RFC2: variants seen among roughly 807,000 people sequenced by gnomAD.
The protein encoded by RFC2 is replication factor C subunit 2, also known as A1 40 kDa subunit.
In RFC2, 34 loss-of-function variants were observed where a neutral mutation model predicts 44.8. That is an observed-to-expected ratio of 0.76 (90% confidence interval 0.58 to 1.01). The LOEUF is 1.01. Among genes scored for constraint, RFC2 ranks in the 50% least tolerant of loss-of-function variants. RFC2 has a pLI of 0.00. For missense variants in RFC2, 400 were observed against 453.6 expected (o/e 0.88, Z 1.07); for synonymous variants, 177 against 168.9 (o/e 1.05, Z -0.37).
intron 3 of RFC2, 93 bp from the exon 4 acceptor site, chr7:74,249,211 C>T (rs782617140): frequency 2.5e-6 from 4 of 1,586,030 alleles, no homozygotes; most frequent in East Asian, 2.3e-5. Flanking sequence ...ATCTCCGTCA[C>T]CTCTGACCCC....
At chr7:74,245,975 T>C (rs1803579992) in intron 5 of RFC2, among the ~76,000 whole-genome samples, 2 of 151,150 alleles carry the variant, frequency 1.3e-5, no homozygotes, top group African/African-American at 4.9e-5. Context: ...GGCGGGCGGA[T>C]CACGAGGTCA....
chr7:74,238,817 G>A lies in RFC2; in HGVS notation c.759+106C>T. ...GGTGGGCTCCCTGGCACCCACAAGA[G>A]CAGCTAGATGTCCGTCCCCACTGCC... On this transcript the variant is annotated intron_variant, in intron 8 of 10. Coordinates refer to ENST00000055077, the MANE Select transcript of RFC2 (RefSeq NM_181471.3). This position sits in a 1 kb window ranked among gnomAD's most constrained non-coding sequence, Gnocchi z 4.0. The A allele has an allele frequency of 1.2e-6, 1 of 845,010 alleles. No individual in the cohort carries two copies. The highest frequency in any genetic ancestry group is 2.0e-6 in the Non-Finnish European group (1 of 503,306). The allele number at this position is 845,010 out of a possible 1,614,324, so 52.3% of individuals were successfully genotyped here.
rs782066892 is a variant in RFC2 at position 74,243,185 on chromosome 7, GA to G, written c.495del (p.Arg166AlafsTer28). 7.4e-6 allele frequency: 12 copies of G among 1,613,750 alleles called. No individual in the cohort carries two copies. In the South Asian group the frequency reaches 9.9e-5, roughly 13 times the overall value. On this transcript the variant is annotated frameshift_variant, in exon 6 of 11. Transcript: ENST00000055077. LOFTEE classifies it high-confidence loss of function. ...RRTMEIYSKT[T>X]RFALACNASD... ...GAAGCATTACAAGCAAGGGCGAAGCGAGTGGTTTTAGAGTAGATTTCCATGG... is the reference window on the plus strand; with the variant it reads ...GAAGCATTACAAGCAAGGGCGAAGCGGTGGTTTTAGAGTAGATTTCCATGG...
Position 74,243,178 on chromosome 7 carries a change from G to C in RFC2, c.503C>G (p.Ala168Gly), listed in dbSNP as rs1803431617. The C allele has an allele frequency of 6.2e-7, 1 of 1,613,794 alleles. No homozygotes were observed. Residue 168 changes from alanine to glycine, a missense_variant, in exon 6 of 11, where the codon GCC becomes GGC. Physicochemically the swap from Ala to Gly is moderately conservative, Grantham distance 60. Transcript: ENST00000055077. The part of the protein sequence containing the change: ...MEIYSKTTRF[A>G]LACNASDKII... ...CTTATCCGAAGCATTACAAGCAAGG[G>C]CGAAGCGAGTGGTTTTAGAGTAGAT...
intron 10 of RFC2, among the ~76,000 whole-genome samples, chr7:74,232,539 C>T (rs1008841359): frequency 6.6e-5 from 10 of 152,122 alleles, no homozygotes; most frequent in Non-Finnish European, 1.0e-4. Flanking sequence ...TGATAAAGAA[C>T]TTGCATCCAG....
intron 1 of RFC2, among the ~76,000 whole-genome samples, chr7:74,253,926 A>G (rs528228196): frequency 6.6e-6 from 1 of 152,270 alleles, no homozygotes; most frequent in African/African-American, 2.4e-5. Flanking sequence ...CATGTAATCG[A>G]TATTTTTTTT....
chr7:74,249,603 A>G, intron 3 of RFC2, 136 bp downstream of exon 3: 2 of 722,160 alleles, frequency 2.8e-6, no homozygotes, highest in Non-Finnish European at 5.0e-6. Flanking sequence ...CCTCCCAACT[A>G]GAGTGAAACA....
rs781916581 is a variant in RFC2 at position 74,246,657 on chromosome 7, T to C, written c.434+5A>G. On this transcript the variant is annotated splice_donor_5th_base_variant and intron_variant, in intron 5 of 10. Coordinates refer to ENST00000055077, the MANE Select transcript of RFC2 (RefSeq NM_181471.3). ...GGTCAAAATACATTTGGCAAAGCAC[T>C]CTACCTGTCTGCTTCATCCAGAATG... 8 of 1,583,058 alleles carry C rather than the reference T, an allele frequency of 5.1e-6. 1 individual carries two copies. In the Middle Eastern group the frequency reaches 1.3e-3, roughly 264 times the overall value.
chr7:74,240,175 A>T, intron 6 of RFC2, 80 bp from the exon 7 acceptor site: 1 of 1,351,382 alleles, frequency 7.4e-7, no homozygotes. Context: ...ATAAGGCTGC[A>T]GCTGCACAAT....
At chr7:74,240,502 CAAAA>C (rs1216974808) in intron 6 of RFC2, among the ~76,000 whole-genome samples, 3 of 73,366 alleles carry the variant, frequency 4.1e-5, no homozygotes, top group Non-Finnish European at 6.2e-5. Flanking sequence ...GCTGTGTCTC[CAAAA>C]AAAAAAAAAA....
intron 9 of RFC2, 109 bp from the exon 10 acceptor site, chr7:74,235,754 G>T (rs992065226): frequency 4.1e-6 from 3 of 723,892 alleles, no homozygotes; most frequent in South Asian, 2.9e-5. Context: ...TCACATGGGG[G>T]TACCTTAACT....
chr7:74,250,687 G>A (rs145611076), intron 2 of RFC2, among the ~76,000 whole-genome samples: 8 of 152,016 alleles, frequency 5.3e-5, no homozygotes, highest in Non-Finnish European at 1.0e-4. Context: ...CCATTATCTC[G>A]TCTGATTGCT....
intron 5 of RFC2, among the ~76,000 whole-genome samples, chr7:74,244,094 T>TAAAAA: frequency 3.1e-5 from 1 of 31,946 alleles, no homozygotes; most frequent in Non-Finnish European, 6.3e-5. Context: ...CTACTAAAAA[T>TAAAAA]ACAAAAAAAA....
intron 9 of RFC2, among the ~76,000 whole-genome samples, chr7:74,235,948 T>C (rs1802992844): frequency 6.6e-6 from 1 of 152,224 alleles, no homozygotes; most frequent in Non-Finnish European, 1.5e-5. Context: ...CATGAGCCAC[T>C]GAGCCCAGCC....
rs782743335 is a variant in RFC2, at chr7:74,237,431, C to A, written c.771G>T (p.Glu257Asp). 6.9e-6 allele frequency: 11 copies of A among 1,591,688 alleles called. No homozygotes were observed. The highest frequency in any genetic ancestry group is 1.1e-5 in the South Asian group (1 of 87,762). ...TCTCCTTTACCAGCAGTGGGTGGGG[C>A]TCGTCACAGACCTGGCCAAAGGGAA... ...NSENVFKVCDEPHPLLVKEMI... is the reference protein window; with the variant it reads ...NSENVFKVCDDPHPLLVKEMI... Residue 257 changes from glutamate (E) to aspartate (D), a missense_variant, in exon 9 of 11, where the codon GAG (glutamate) becomes GAT (aspartate). By Grantham distance (45) the Glu-to-Asp change is conservative. Coordinates refer to ENST00000055077, the MANE Select transcript of RFC2 (RefSeq NM_181471.3).
rs1278495322 is a variant in RFC2 at position 74,238,712 on chromosome 7, C to T, written c.759+211G>A. On this transcript the variant is annotated intron_variant, in intron 8 of 10. Coordinates refer to ENST00000055077, the MANE Select transcript of RFC2 (RefSeq NM_181471.3). This position sits in a 1 kb window ranked among gnomAD's most constrained non-coding sequence, Gnocchi z 4.0. ...CCGTGGTCCTCCCTCACCTACCACA[C>T]ACAAGTGACGTTCCAGGTCCCCCGA... 6.6e-6 allele frequency among the ~76,000 whole-genome samples: 1 copy of T among 152,196 alleles called. No individual in the cohort carries two copies. Among genetic ancestry groups the T allele is most frequent in the Non-Finnish European group, 1.5e-5 (1 of 68,042 alleles).
At chr7:74,243,484 A>G (rs1380520161) in intron 5 of RFC2, among the ~76,000 whole-genome samples, 1 of 151,830 alleles carries the variant, frequency 6.6e-6, no homozygotes, top group Non-Finnish European at 1.5e-5. Flanking sequence ...CACGAAAACC[A>G]CGATCTACAA....
At chr7:74,244,519 C>T (rs928861682) in intron 5 of RFC2, among the ~76,000 whole-genome samples, 1 of 151,344 alleles carries the variant, frequency 6.6e-6, no homozygotes, top group Non-Finnish European at 1.5e-5. Flanking sequence ...CCAGCCTGGG[C>T]GCCACCATGT....
At chr7:74,239,851 G>C in intron 7 of RFC2, 87 bp downstream of exon 7, 1 of 1,260,152 alleles carries the variant, frequency 7.9e-7, no homozygotes, top group Non-Finnish European at 1.1e-6. Context: ...GTTGTACCTT[G>C]TGCAGCTGTC....
Sources: allele counts gnomAD v4.1 joint callset (sites outside exome capture counted in the v4.1 genomes callset), GRCh38; gene constraint gnomAD v4.1.1; non-coding constraint Gnocchi (gnomAD v3.1); transcripts MANE v1.5; gene names NCBI Gene and HGNC (gene_info 2026-07-23, HGNC 2026-07-21).